Variants in SSBP2 observed in about 807,000 individuals in gnomAD.
The protein encoded by SSBP2 is single-stranded DNA-binding protein 2.
A neutral mutation model predicts 61.8 loss-of-function variants in SSBP2; 17 were observed. The observed-to-expected ratio is 0.28, with a 90% CI of 0.19 to 0.41. The LOEUF (loss-of-function observed/expected upper bound fraction) is 0.41, where lower values mean the gene tolerates loss of function less well. SSBP2 is among the 10% of genes least tolerant of loss of function. SSBP2 has a pLI of 1.00. For missense variants in SSBP2, 310 were observed against 458.7 expected (o/e 0.68, Z 2.96); for synonymous variants, 139 against 141.3 (o/e 0.98, Z 0.12).
chr5:81,583,596 C>G (rs958978853), intron 4 of SSBP2, among the ~76,000 whole-genome samples: 4 of 149,690 alleles, frequency 2.7e-5, no homozygotes, highest in African/African-American at 7.4e-5. Flanking sequence ...CGCCACTGCA[C>G]TCCAGCCTGG....
chr5:81,692,708 C>T (rs1753297871), intron 1 of SSBP2, among the ~76,000 whole-genome samples: 1 of 151,008 alleles, frequency 6.6e-6, no homozygotes, highest in South Asian at 2.1e-4. Flanking sequence ...ATCCATACAT[C>T]TACAGTGAAC....
At chr5:81,547,035 C>CAAAAAAAAAA (rs1491449481) in intron 4 of SSBP2, among the ~76,000 whole-genome samples, 1 of 7,972 alleles carries the variant, frequency 1.3e-4, no homozygotes, top group Non-Finnish European at 2.4e-4. Flanking sequence ...CAAATCTTGG[C>CAAAAAAAAAA]CAAAAAAAAA....
At chr5:81,491,989 C>T (rs537353898) in intron 5 of SSBP2, among the ~76,000 whole-genome samples, 1 of 152,142 alleles carries the variant, frequency 6.6e-6, no homozygotes, top group East Asian at 1.9e-4. Flanking sequence ...AATCTAAAAG[C>T]GTTTGCATAC....
chr5:81,535,041 C>G (rs890458306), intron 4 of SSBP2, among the ~76,000 whole-genome samples: 4 of 151,694 alleles, frequency 2.6e-5, no homozygotes, highest in African/African-American at 9.7e-5. Context: ...ACCATGCAAT[C>G]AAGAAGAGAG....
intron 4 of SSBP2, among the ~76,000 whole-genome samples, chr5:81,593,549 C>T (rs540845267): frequency 1.3e-5 from 2 of 152,230 alleles, no homozygotes; most frequent in South Asian, 2.1e-4. Context: ...TCAGATTCAC[C>T]AAAGTTGAAA....
intron 4 of SSBP2, among the ~76,000 whole-genome samples, chr5:81,532,276 ATT>A (rs1770477359): frequency 1.3e-5 from 2 of 152,158 alleles, no homozygotes; most frequent in African/African-American, 4.8e-5. Context: ...GTATTAATTA[ATT>A]TTTGTTTTAA....
intron 12 of SSBP2, among the ~76,000 whole-genome samples, chr5:81,443,756 G>C (rs1763189174): frequency 1.3e-5 from 2 of 152,198 alleles, no homozygotes; most frequent in Admixed American, 1.3e-4. Flanking sequence ...TAGAGATGGG[G>C]TTTCACTGTG....
chr5:81,646,487 T>A (rs73135645), intron 2 of SSBP2, among the ~76,000 whole-genome samples: 21,612 of 151,982 alleles, frequency 0.14, 2,157 homozygotes, highest in African/African-American at 0.29. Context: ...TTTTTACTAC[T>A]CAGACCAGTT....
chr5:81,540,323 C>G (rs1771163215), intron 4 of SSBP2, among the ~76,000 whole-genome samples: 1 of 152,178 alleles, frequency 6.6e-6, no homozygotes, highest in African/African-American at 2.4e-5. Context: ...GCCACACTGT[C>G]TTCCGCAATG....
At chr5:81,588,375 T>C (rs1581102260) in intron 4 of SSBP2, among the ~76,000 whole-genome samples, 1 of 152,140 alleles carries the variant, frequency 6.6e-6, no homozygotes. Context: ...ACTCAGAAAG[T>C]AACTTACCCA....
rs1761479699 is a variant in SSBP2, at chr5:81,419,663, A to C, written c.*841T>G. 6.6e-6 allele frequency: 1 copy of C among 152,198 alleles called. No individual in the cohort carries two copies. Among genetic ancestry groups the C allele is most frequent in the African/African-American group, 2.4e-5 (1 of 41,456 alleles). 9.4% of individuals were successfully genotyped at this position (152,198 alleles called of 1,614,324 possible). ...TCACTTTATTGCTATGGTCTAAATG[A>C]TTTGGGCTATTTAATGATTTCTGTA... On this transcript the variant is annotated 3_prime_UTR_variant, in exon 17 of 17. Transcript: ENST00000320672.
intron 4 of SSBP2, among the ~76,000 whole-genome samples, chr5:81,527,901 T>TAA (rs57104850): frequency 0.038 from 4,766 of 126,808 alleles, 305 homozygotes; most frequent in African/African-American, 0.13. Flanking sequence ...CTTAAAGTAG[T>TAA]AAAAAAAAAA....
intron 2 of SSBP2, among the ~76,000 whole-genome samples, chr5:81,645,115 A>G (rs563682552): frequency 6.6e-5 from 10 of 152,356 alleles, no homozygotes; most frequent in Non-Finnish European, 1.3e-4. Context: ...GCATAACTAA[A>G]GTATTGTTAC....
intron 3 of SSBP2, among the ~76,000 whole-genome samples, chr5:81,622,215 T>G (rs1746661420): frequency 2.6e-5 from 4 of 152,052 alleles, no homozygotes; most frequent in African/African-American, 9.7e-5. Flanking sequence ...GGAAAAATTA[T>G]GCTCCTTACA....
At chr5:81,607,188 T>C (rs1254332250) in intron 4 of SSBP2, among the ~76,000 whole-genome samples, 1 of 152,112 alleles carries the variant, frequency 6.6e-6, no homozygotes. Context: ...CTCATATCTA[T>C]CTTAGGAATG....
chr5:81,680,763 T>G (rs1333091507), intron 1 of SSBP2, among the ~76,000 whole-genome samples: 2 of 152,138 alleles, frequency 1.3e-5, no homozygotes, highest in Non-Finnish European at 2.9e-5. Context: ...ACAAAATACA[T>G]GAGGTAAAAA....
At chr5:81,694,941 A>G (rs1753490449) in intron 1 of SSBP2, among the ~76,000 whole-genome samples, 2 of 152,214 alleles carry the variant, frequency 1.3e-5, no homozygotes, top group African/African-American at 4.8e-5. Context: ...TGAAGACTGC[A>G]GTGAGCTGTG....
At chr5:81,514,636 A>G (rs1354601890) in intron 4 of SSBP2, among the ~76,000 whole-genome samples, 1 of 152,042 alleles carries the variant, frequency 6.6e-6, no homozygotes, top group Non-Finnish European at 1.5e-5. Flanking sequence ...ATGATGAGAA[A>G]TCAAAGCAAC....
chr5:81,649,921 T>C (rs1749584395), intron 2 of SSBP2, among the ~76,000 whole-genome samples: 1 of 152,144 alleles, frequency 6.6e-6, no homozygotes, highest in African/African-American at 2.4e-5. Context: ...TCCAAAATTA[T>C]GATATTGTTC....
Sources: gnomAD v4.1 joint callset for allele counts (sites outside exome capture counted in the v4.1 genomes callset) on GRCh38, gnomAD v4.1.1 for gene constraint, MANE v1.5 for transcripts, NCBI Gene and HGNC (gene_info 2026-07-23, HGNC 2026-07-21) for gene names.